CCDC15: variants seen among roughly 807,000 people sequenced by gnomAD.
CCDC15 encodes coiled-coil domain-containing protein 15.
A neutral mutation model predicts 114.5 loss-of-function variants in CCDC15; 105 were observed. The ratio of observed to expected loss-of-function variants is 0.92; its 90% CI spans 0.78 to 1.08. CCDC15 has a LOEUF of 1.08. Among genes scored for constraint, CCDC15 ranks in the 50% least tolerant of loss-of-function variants. The pLI is 0.00. For missense variants in CCDC15, 1,105 were observed against 1,093.6 expected (o/e 1.01, Z -0.15); for synonymous variants, 334 against 377.8 (o/e 0.88, Z 1.34).
At chr11:125,001,375 T>A (rs1318475714) in intron 11 of CCDC15, among the ~76,000 whole-genome samples, 1 of 152,258 alleles carries the variant, frequency 6.6e-6, no homozygotes, top group Non-Finnish European at 1.5e-5. Context: ...AATTTGCAAA[T>A]GTGGAATATG....
chr11:125,040,272 A>G (rs1214652339), intron 15 of CCDC15, among the ~76,000 whole-genome samples: 1 of 144,712 alleles, frequency 6.9e-6, no homozygotes, highest in African/African-American at 2.7e-5. Context: ...CCTGACCTCA[A>G]GTGATCCGCC....
chr11:124,973,387 C>G (rs768220948), intron 4 of CCDC15, among the ~76,000 whole-genome samples: 1 of 151,164 alleles, frequency 6.6e-6, no homozygotes, highest in African/African-American at 2.4e-5. Context: ...CTACACATAT[C>G]TCTTTTTGCA....
At chr11:124,970,387 G>T (rs1003164557) in intron 4 of CCDC15, among the ~76,000 whole-genome samples, 4 of 152,076 alleles carry the variant, frequency 2.6e-5, no homozygotes, top group Admixed American at 2.6e-4. Flanking sequence ...CATTGCACTG[G>T]GATTCATGGG....
intron 13 of CCDC15, among the ~76,000 whole-genome samples, chr11:125,005,539 A>G (rs1290012611): frequency 6.6e-6 from 1 of 152,268 alleles, no homozygotes; most frequent in East Asian, 1.9e-4. Context: ...ATTAGAATTG[A>G]TGAACCTACA....
At chr11:125,003,295 T>G (rs1948507823) in intron 11 of CCDC15, among the ~76,000 whole-genome samples, 1 of 152,006 alleles carries the variant, frequency 6.6e-6, no homozygotes, top group African/African-American at 2.4e-5. Flanking sequence ...ATGAAATAAT[T>G]TTAAACTTTT....
chr11:124,998,777 G>A (rs1035373522), intron 11 of CCDC15, among the ~76,000 whole-genome samples: 5 of 140,970 alleles, frequency 3.5e-5, no homozygotes, highest in Non-Finnish European at 7.5e-5. Context: ...TCACTCTGTC[G>A]CCTAGGCAGG....
intron 8 of CCDC15, among the ~76,000 whole-genome samples, chr11:124,990,499 A>G (rs1948249210): frequency 6.6e-6 from 1 of 152,212 alleles, no homozygotes; most frequent in African/African-American, 2.4e-5. Context: ...GTTTGTAAAA[A>G]ACACAACATC....
At chr11:124,983,260 A>G (rs141186083) in intron 6 of CCDC15, among the ~76,000 whole-genome samples, 1,681 of 152,092 alleles carry the variant, frequency 0.011, 27 homozygotes, top group African/African-American at 0.039. Flanking sequence ...TTTTGTTCCT[A>G]TCCATGTTCT....
At chr11:125,025,721 T>C (rs1323217499) in intron 13 of CCDC15, among the ~76,000 whole-genome samples, 1 of 152,090 alleles carries the variant, frequency 6.6e-6, no homozygotes, top group Non-Finnish European at 1.5e-5. Context: ...TAATGTCATA[T>C]TTATTGATGT....
chr11:125,022,057 C>T (rs957797360), intron 13 of CCDC15, among the ~76,000 whole-genome samples: 4 of 151,942 alleles, frequency 2.6e-5, no homozygotes, highest in Admixed American at 2.0e-4. Context: ...ACGCAGATCC[C>T]TAGCCAAGAG....
chr11:125,036,632 C>T (rs1948776147), intron 13 of CCDC15, among the ~76,000 whole-genome samples: 1 of 152,144 alleles, frequency 6.6e-6, no homozygotes, highest in African/African-American at 2.4e-5. Flanking sequence ...TTCTAGGTAT[C>T]ATAGGCATAC....
chr11:124,993,103 A>G (rs992676393), intron 10 of CCDC15, 66 bp from the exon 11 acceptor site: 2 of 967,718 alleles, frequency 2.1e-6, no homozygotes, highest in East Asian at 2.6e-5. Context: ...ACTGAAGTCT[A>G]TAATACTGTC....
intron 11 of CCDC15, among the ~76,000 whole-genome samples, chr11:124,998,704 C>T (rs1414023310): frequency 6.7e-6 from 1 of 150,126 alleles, no homozygotes; most frequent in African/African-American, 2.4e-5. Flanking sequence ...AATAATCATA[C>T]ATGTTTTTAT....
At chr11:125,029,657 C>A (rs1402253386) in intron 13 of CCDC15, among the ~76,000 whole-genome samples, 3 of 152,204 alleles carry the variant, frequency 2.0e-5, no homozygotes, top group African/African-American at 7.2e-5. Flanking sequence ...GGTATGATGA[C>A]CACATTCTTC....
intron 4 of CCDC15, among the ~76,000 whole-genome samples, chr11:124,968,035 A>G (rs1947813470): frequency 6.6e-6 from 1 of 152,180 alleles, no homozygotes; most frequent in South Asian, 2.1e-4. Context: ...GCTTCGTCTC[A>G]GAGGGCACCT....
At chr11:125,017,447 T>C (rs1052193378) in intron 13 of CCDC15, among the ~76,000 whole-genome samples, 5 of 152,152 alleles carry the variant, frequency 3.3e-5, no homozygotes, top group African/African-American at 1.2e-4. Flanking sequence ...TCCTATCACC[T>C]AGTGATGTAG....
rs1947530626 is a variant in CCDC15 at position 124,955,348 on chromosome 11, A to G, written c.177+439A>G. On this transcript the variant is annotated intron_variant, in intron 2 of 15. Transcript: ENST00000344762. ...ATTTTGTAATGAGGATTCAGGCAAA[A>G]TGGAGTAATAGAATAAAGGAGAAAG... Among the ~76,000 whole-genome samples the G allele has an allele frequency of 4.6e-5, 7 of 152,336 alleles. 1 individual carries two copies. The South Asian group carries it at 1.5e-3, about 32-fold the overall frequency.
intron 13 of CCDC15, among the ~76,000 whole-genome samples, chr11:125,006,030 G>A (rs1948549102): frequency 6.6e-6 from 1 of 152,148 alleles, no homozygotes; most frequent in South Asian, 2.1e-4. Flanking sequence ...TAAAATCTAT[G>A]TACAAGTTTT....
intron 6 of CCDC15, 150 bp from the exon 7 acceptor site, chr11:124,986,592 A>G: frequency 1.2e-6 from 1 of 817,502 alleles, no homozygotes; most frequent in Non-Finnish European, 1.8e-6. Flanking sequence ...ACCTACTAAA[A>G]TTATAATAGC....
Sources: gnomAD v4.1 joint callset for allele counts (sites outside exome capture counted in the v4.1 genomes callset) on GRCh38, gnomAD v4.1.1 for gene constraint, MANE v1.5 for transcripts, NCBI Gene and HGNC (gene_info 2026-07-23, HGNC 2026-07-21) for gene names.